Variants in CDH4 observed in about 807,000 individuals in gnomAD.
The protein encoded by CDH4 is cadherin-4.
CDH4 carries 33 observed loss-of-function variants against 86.0 expected under a neutral mutation model. The observed-to-expected ratio is 0.38, with a 90% CI of 0.29 to 0.51. CDH4 has a LOEUF of 0.51. Among genes scored for constraint, CDH4 ranks in the 20% least tolerant of loss-of-function variants. CDH4 has a pLI of 0.86. For missense variants in CDH4, 1,114 were observed against 1,307.4 expected (o/e 0.85, Z 2.28); for synonymous variants, 555 against 549.4 (o/e 1.01, Z -0.14).
At chr20:61,349,393 C>G (rs577369398) in intron 2 of CDH4, among the ~76,000 whole-genome samples, 15 of 152,336 alleles carry the variant, frequency 9.8e-5, no homozygotes, top group Admixed American at 2.0e-4. Context: ...AAGTTTTCAT[C>G]TTGAGCACCA....
chr20:61,507,930 G>T (rs114779306), intron 2 of CDH4, among the ~76,000 whole-genome samples: 1 of 152,268 alleles, frequency 6.6e-6, no homozygotes, highest in African/African-American at 2.4e-5. Context: ...TAAAAGGCTC[G>T]CTTTAAAATG....
Position 61,810,792 on chromosome 20 carries a change from C to T in CDH4, c.577-33876C>T, listed in dbSNP as rs1427281350. 6.6e-6 allele frequency among the ~76,000 whole-genome samples: 1 copy of T among 152,206 alleles called. No individual in the cohort carries two copies. Among genetic ancestry groups the T allele is most frequent in the Non-Finnish European group, 1.5e-5 (1 of 68,050 alleles). On this transcript the variant is annotated intron_variant, in intron 4 of 15. Transcript: ENST00000614565. The surrounding 1 kb of genome is among the most constrained non-coding windows in gnomAD (Gnocchi z 4.3). ...CGCAGTCTGCAAGAACTCCTGGGAC[C>T]CCCAGATGCCTCGGTGGTCACTTCT...
intron 2 of CDH4, among the ~76,000 whole-genome samples, chr20:61,484,101 T>G (rs1384966675): frequency 1.3e-5 from 2 of 152,084 alleles, no homozygotes; most frequent in Non-Finnish European, 2.9e-5. Context: ...CCTACTTAGT[T>G]GGCCAGGCTT....
chr20:61,289,604 C>T (rs1398407564), intron 2 of CDH4, among the ~76,000 whole-genome samples: 1 of 152,218 alleles, frequency 6.6e-6, no homozygotes, highest in Non-Finnish European at 1.5e-5. Flanking sequence ...GATTAAAGAG[C>T]CCTTTGAGGC....
intron 2 of CDH4, among the ~76,000 whole-genome samples, chr20:61,278,069 G>T (rs1054818080): frequency 4.6e-5 from 7 of 152,188 alleles, no homozygotes; most frequent in African/African-American, 1.7e-4. Flanking sequence ...TGCCTGCTCC[G>T]GGCATCTGTG....
At chr20:61,844,847 A>C (rs1314243359) in intron 5 of CDH4, 24 bp downstream of exon 5, 7 of 1,597,416 alleles carry the variant, frequency 4.4e-6, no homozygotes, top group Non-Finnish European at 6.0e-6. Context: ...CCCGGCTGAG[A>C]ATGGGGCCCT....
chr20:61,586,785 T>A (rs2086479528), intron 2 of CDH4, among the ~76,000 whole-genome samples: 1 of 152,058 alleles, frequency 6.6e-6, no homozygotes, highest in African/African-American at 2.4e-5. Flanking sequence ...GTCACCAGGT[T>A]ATGGAGAGAC....
At position 61,755,106 on chromosome 20, in the gene CDH4, A is replaced by T. The variant is rs1258990149; in HGVS notation, c.396+11317A>T. On this transcript the variant is annotated intron_variant, in intron 3 of 15. Transcript: ENST00000614565. The stretch of plus-strand genomic sequence containing the variant: ...CAAAATGAAAACCCCTGATAAACCC[A>T]TCAGATCTTGTGAGACTTATTCACT... 1.3e-5 allele frequency: 2 copies of T among 152,196 alleles called. 1 individual carries two copies. The allele number at this position is 152,196 out of a possible 1,614,324, so 9.4% of individuals were successfully genotyped here.
intron 2 of CDH4, among the ~76,000 whole-genome samples, chr20:61,312,269 G>T (rs1369452166): frequency 6.6e-6 from 1 of 150,854 alleles, no homozygotes; most frequent in Non-Finnish European, 1.5e-5. Context: ...TGTGTAATGT[G>T]TCCATTTTGT....
chr20:61,617,771 C>A (rs2086737384), intron 2 of CDH4, among the ~76,000 whole-genome samples: 1 of 152,218 alleles, frequency 6.6e-6, no homozygotes, highest in South Asian at 2.1e-4. Flanking sequence ...CACCCCAAAA[C>A]TGCAAAGAGG....
intron 2 of CDH4, among the ~76,000 whole-genome samples, chr20:61,711,985 A>T (rs2087898556): frequency 6.6e-6 from 1 of 152,148 alleles, no homozygotes; most frequent in Non-Finnish European, 1.5e-5. Context: ...TGTGACAGAC[A>T]CTGCCCCACT....
At chr20:61,443,986 G>A (rs375290717) in intron 2 of CDH4, among the ~76,000 whole-genome samples, 86 of 150,806 alleles carry the variant, frequency 5.7e-4, no homozygotes, top group African/African-American at 1.4e-3. Flanking sequence ...GTGATTGTGC[G>A]TATCTGTATA....
At chr20:61,745,484 C>CG (rs2088402929) in intron 3 of CDH4, among the ~76,000 whole-genome samples, 1 of 152,184 alleles carries the variant, frequency 6.6e-6, no homozygotes, top group African/African-American at 2.4e-5. Context: ...GCTGACCCCA[C>CG]GGGGGAAGGA....
intron 4 of CDH4, among the ~76,000 whole-genome samples, chr20:61,818,066 G>T (rs1029374135): frequency 1.8e-4 from 27 of 151,156 alleles, no homozygotes; most frequent in African/African-American, 5.4e-4. Context: ...GTCTCGCTCT[G>T]TCACCCAGGC....
chr20:61,906,008 C>G (rs1332035421), intron 8 of CDH4, among the ~76,000 whole-genome samples: 1 of 152,222 alleles, frequency 6.6e-6, no homozygotes, highest in African/African-American at 2.4e-5. Flanking sequence ...CGGCTTTGTT[C>G]TCAGGCTGCG....
intron 2 of CDH4, among the ~76,000 whole-genome samples, chr20:61,432,173 A>AT (rs1376992720): frequency 2.6e-5 from 4 of 152,234 alleles, no homozygotes; most frequent in African/African-American, 4.8e-5. Flanking sequence ...GCTAGGCTAT[A>AT]TAGTAGAGAA....
At chr20:61,282,768 C>T (rs1209568596) in intron 2 of CDH4, among the ~76,000 whole-genome samples, 1 of 152,216 alleles carries the variant, frequency 6.6e-6, no homozygotes, top group Admixed American at 6.5e-5. Context: ...TGTGTATGCA[C>T]ACGGATAAGC....
chr20:61,802,377 G>A (rs1471968519), intron 4 of CDH4, among the ~76,000 whole-genome samples: 1 of 152,246 alleles, frequency 6.6e-6, no homozygotes, highest in Non-Finnish European at 1.5e-5. Flanking sequence ...CCTGCTGTGT[G>A]TAGCCGAGAA....
At chr20:61,287,695 G>A (rs553392179) in intron 2 of CDH4, among the ~76,000 whole-genome samples, 80 of 152,276 alleles carry the variant, frequency 5.3e-4, no homozygotes, top group African/African-American at 1.9e-3. Context: ...CCTCTTGCTG[G>A]GGTGGTGCAC....
Sources: allele counts gnomAD v4.1 joint callset (sites outside exome capture counted in the v4.1 genomes callset), GRCh38; gene constraint gnomAD v4.1.1; non-coding constraint Gnocchi (gnomAD v3.1); transcripts MANE v1.5; gene names NCBI Gene and HGNC (gene_info 2026-07-23, HGNC 2026-07-21).